Variants in RARB observed in about 807,000 individuals in gnomAD.
The protein encoded by RARB is HBV-activated protein.
In RARB, 17 loss-of-function variants were observed where a neutral mutation model predicts 51.9. The observed-to-expected ratio is 0.33, with a 90% confidence interval of 0.22 to 0.49. RARB has a LOEUF of 0.49. Among genes scored for constraint, RARB ranks in the 20% least tolerant of loss-of-function variants. The pLI is 0.99. For missense variants in RARB, 369 were observed against 550.8 expected (o/e 0.67, Z 3.30); for synonymous variants, 215 against 195.4 (o/e 1.10, Z -0.84).
intron 2 of RARB, among the ~76,000 whole-genome samples, chr3:24,937,794 T>A (rs1695577170): frequency 6.6e-6 from 1 of 152,072 alleles, no homozygotes; most frequent in African/African-American, 2.4e-5. Context: ...CATGCAGAGT[T>A]TTTTATTAAA....
chr3:25,124,290 C>T (rs1023777360), intron 3 of RARB, among the ~76,000 whole-genome samples: 17 of 152,146 alleles, frequency 1.1e-4, no homozygotes, highest in African/African-American at 4.1e-4. Context: ...AGGAGGATCA[C>T]TTGAACCCAG....
intron 1 of RARB, among the ~76,000 whole-genome samples, chr3:24,832,628 A>AATATATATGTATATATATAT (rs1702297131): frequency 1.1e-5 from 1 of 88,456 alleles, no homozygotes. Context: ...ATTGAGTCCC[A>AATATATATGTATATATATAT]ATATATATAT....
intron 6 of RARB, 138 bp from the exon 7 acceptor site, chr3:25,594,382 C>A: frequency 1.1e-6 from 1 of 911,786 alleles, no homozygotes; most frequent in Admixed American, 2.9e-5. Flanking sequence ...CTTAAAGCAA[C>A]TGCATAAGTC....
chr3:25,357,841 A>G (rs1356363636), intron 5 of RARB, among the ~76,000 whole-genome samples: 5 of 151,578 alleles, frequency 3.3e-5, no homozygotes, highest in African/African-American at 9.7e-5. Flanking sequence ...TATTTCTGAG[A>G]CCCCTGTTCT....
At chr3:25,426,143 G>C (rs1013597961), upstream of RARB, among the ~76,000 whole-genome samples, 2 of 152,174 alleles carry the variant, frequency 1.3e-5, no homozygotes, top group South Asian at 4.1e-4. Flanking sequence ...ACATAATGTA[G>C]TGCTTTGTGT....
chr3:24,926,584 G>C (rs765305231), intron 2 of RARB, among the ~76,000 whole-genome samples: 1 of 152,080 alleles, frequency 6.6e-6, no homozygotes. Flanking sequence ...ATGAGCTAGT[G>C]ATGCTTCGAG....
chr3:25,333,208 C>T lies in RARB; in HGVS notation c.179-127985C>T, dbSNP rs571553626. ...GTTCATATGGAACCAAAAAAGAGCC[C>T]GCATTGCCAAGTCAATCCTAAGCCA... On this transcript the variant is annotated intron_variant, in intron 5 of 11. Transcript: ENST00000383772. 2.2e-4 allele frequency among the ~76,000 whole-genome samples: 34 copies of T among 151,622 alleles called. 1 individual carries two copies. The South Asian group carries it at 4.6e-3, about 21-fold the overall frequency.
intron 2 of RARB, among the ~76,000 whole-genome samples, chr3:24,979,344 G>A (rs1019291627): frequency 6.6e-5 from 10 of 151,912 alleles, no homozygotes; most frequent in South Asian, 2.1e-4. Context: ...GTGTGTTAAA[G>A]TCTCTCATTA....
intron 2 of RARB, among the ~76,000 whole-genome samples, chr3:25,491,239 T>C (rs1189353607): frequency 6.6e-6 from 1 of 152,138 alleles, no homozygotes; most frequent in Non-Finnish European, 1.5e-5. Context: ...TCAAAGAAGT[T>C]CTTTGTGTTC....
At chr3:25,357,521 T>C (rs978135564) in intron 5 of RARB, among the ~76,000 whole-genome samples, 7 of 152,358 alleles carry the variant, frequency 4.6e-5, no homozygotes, top group East Asian at 3.9e-4. Context: ...TTTAATTAGA[T>C]CTCATTTGTC....
chr3:25,406,880 C>T (rs1480658062), intron 5 of RARB, among the ~76,000 whole-genome samples: 1 of 152,180 alleles, frequency 6.6e-6, no homozygotes, highest in Non-Finnish European at 1.5e-5. Context: ...GCTCATCATT[C>T]ATACCAAAGC....
At chr3:25,106,150 A>C (rs1253715469) in intron 3 of RARB, among the ~76,000 whole-genome samples, 1 of 143,686 alleles carries the variant, frequency 7.0e-6, no homozygotes. Context: ...GTGCATTAAA[A>C]AATGAAGGCT....
intron 2 of RARB, among the ~76,000 whole-genome samples, chr3:25,483,945 A>G (rs544751004): frequency 1.3e-5 from 2 of 152,316 alleles, no homozygotes; most frequent in African/African-American, 4.8e-5. Context: ...TGCTTTATTT[A>G]TTATTTCAGT....
intron 5 of RARB, among the ~76,000 whole-genome samples, chr3:25,263,411 A>C (rs1441960205): frequency 6.6e-6 from 1 of 152,198 alleles, no homozygotes; most frequent in Non-Finnish European, 1.5e-5. Context: ...TGAGTTAACT[A>C]GTCTATTTTG....
intron 5 of RARB, among the ~76,000 whole-genome samples, chr3:25,224,502 C>G (rs1222555675): frequency 6.6e-6 from 1 of 152,136 alleles, no homozygotes. Context: ...AATTATATGC[C>G]TTAAATGAAA....
At chr3:25,054,041 G>T (rs1167433752) in intron 2 of RARB, among the ~76,000 whole-genome samples, 1 of 152,136 alleles carries the variant, frequency 6.6e-6, no homozygotes, top group East Asian at 1.9e-4. Context: ...GTTTCATGGG[G>T]GTTGAGTGGG....
At chr3:24,851,808 G>A (rs1015024278) in intron 1 of RARB, among the ~76,000 whole-genome samples, 3 of 152,190 alleles carry the variant, frequency 2.0e-5, no homozygotes, top group Admixed American at 6.5e-5. Context: ...GATTTGACAT[G>A]TTAAGAGAAA....
intron 5 of RARB, among the ~76,000 whole-genome samples, chr3:25,351,626 A>G (rs898801051): frequency 1.3e-5 from 2 of 152,170 alleles, no homozygotes; most frequent in African/African-American, 4.8e-5. Context: ...CCCGGAAGAC[A>G]CTTGGGCGTT....
chr3:25,562,008 T>G (rs527529104), intron 3 of RARB, among the ~76,000 whole-genome samples: 44 of 113,924 alleles, frequency 3.9e-4, no homozygotes, highest in African/African-American at 2.9e-3. Flanking sequence ...CCTGCTCAAC[T>G]TTTTTACCCT....
Sources: gnomAD v4.1 joint callset for allele counts (sites outside exome capture counted in the v4.1 genomes callset) on GRCh38, gnomAD v4.1.1 for gene constraint, MANE v1.5 for transcripts, NCBI Gene and HGNC (gene_info 2026-07-23, HGNC 2026-07-21) for gene names.